LRRC7: variants seen among roughly 807,000 people sequenced by gnomAD.
The protein encoded by LRRC7 is leucine rich repeat containing 7.
Under a neutral mutation model 175.7 loss-of-function variants are expected in LRRC7, and 23 were observed. The observed-to-expected ratio is 0.13, with a 90% CI of 0.09 to 0.19. The LOEUF (loss-of-function observed/expected upper bound fraction) is 0.19, where lower values mean the gene tolerates loss of function less well. Among genes scored for constraint, LRRC7 ranks in the 10% least tolerant of loss-of-function variants. The pLI is 1.00. For synonymous variants in LRRC7, 685 were observed against 680.9 expected, an observed-to-expected ratio of 1.01 and a Z score of -0.09; for missense variants, 1,354 against 1,904.7, an observed-to-expected ratio of 0.71 and a Z score of 5.38.
intron 17 of LRRC7, among the ~76,000 whole-genome samples, chr1:70,027,359 T>G (rs1249469692): frequency 6.6e-6 from 1 of 152,116 alleles, no homozygotes; most frequent in African/African-American, 2.4e-5. Context: ...CCCTCTAAAT[T>G]TAATGCTAAG....
intron 17 of LRRC7, among the ~76,000 whole-genome samples, chr1:70,027,716 A>G (rs1571074679): frequency 1.3e-5 from 2 of 152,030 alleles, no homozygotes; most frequent in South Asian, 2.1e-4. Flanking sequence ...TTAACATGCA[A>G]CTCTACTTGT....
At chr1:69,889,514 G>A (rs142937956) in intron 7 of LRRC7, among the ~76,000 whole-genome samples, 28 of 152,268 alleles carry the variant, frequency 1.8e-4, no homozygotes, top group African/African-American at 6.7e-4. Context: ...TCCATCTCAA[G>A]AAACCACTTT....
At chr1:70,059,939 C>T (rs1457674709) in intron 23 of LRRC7, among the ~76,000 whole-genome samples, 2 of 151,822 alleles carry the variant, frequency 1.3e-5, no homozygotes, top group Non-Finnish European at 2.9e-5. Context: ...TTTAAAAGTA[C>T]AACTTAAGAA....
At chr1:69,695,737 C>T (rs1662499520) in intron 2 of LRRC7, among the ~76,000 whole-genome samples, 1 of 152,222 alleles carries the variant, frequency 6.6e-6, no homozygotes, top group South Asian at 2.1e-4. Context: ...GCCGCTCTGG[C>T]TTCAGCCTTA....
chr1:69,591,832 C>T (rs920392057), intron 1 of LRRC7, among the ~76,000 whole-genome samples: 1 of 152,020 alleles, frequency 6.6e-6, no homozygotes, highest in African/African-American at 2.4e-5. Flanking sequence ...CATCCATCTG[C>T]AGATGCTCTG....
At position 69,934,378 on chromosome 1, in the gene LRRC7, T is replaced by C. The variant is rs61782604; in HGVS notation, c.711+2808T>C. Among the ~76,000 whole-genome samples the C allele has an allele frequency of 1.0e-3, 154 of 151,984 alleles. 1 individual carries two copies. Among genetic ancestry groups the C allele is most frequent in the Non-Finnish European group, 1.3e-3 (91 of 67,978 alleles). On this transcript the variant is annotated intron_variant, in intron 8 of 26. Coordinates refer to ENST00000651989, the MANE Select transcript of LRRC7 (RefSeq NM_001370785.2). ...GATTCAGAGTAGAAATATCTACTTA[T>C]AGAAGCATTTGTAATAATGAAAAAT... is the stretch of plus-strand genomic sequence containing the variant.
chr1:69,999,868 C>T (rs1021708671), intron 11 of LRRC7, among the ~76,000 whole-genome samples: 1 of 152,058 alleles, frequency 6.6e-6, no homozygotes, highest in African/African-American at 2.4e-5. Context: ...AAGTGTGGGA[C>T]CATAGGCCCA....
chr1:70,118,777 G>A (rs593467), intron 26 of LRRC7, among the ~76,000 whole-genome samples: 125,072 of 152,026 alleles, frequency 0.82, 51,822 homozygotes, highest in Middle Eastern at 0.87. Context: ...TTCACACTGG[G>A]CTTTCATGAA....
At chr1:69,660,631 A>G (rs1475436377) in intron 1 of LRRC7, among the ~76,000 whole-genome samples, 1 of 152,128 alleles carries the variant, frequency 6.6e-6, no homozygotes, top group African/African-American at 2.4e-5. Flanking sequence ...TAAGGACTTA[A>G]TGAAGGGATT....
rs571458311 is a variant in LRRC7, at chr1:69,778,526, A to G, written c.304-13517A>G. On this transcript the variant is annotated intron_variant, in intron 3 of 26. Transcript: ENST00000651989. ...TGAAAACACAGTAGAGAGACAACCA[A>G]TCCTGCTTTGCTTGGGGATCAGGGA... Among the ~76,000 whole-genome samples, 3 of 152,282 alleles carry G rather than the reference A, an allele frequency of 2.0e-5. No homozygotes were observed. The South Asian group carries it at 6.2e-4, about 32-fold the overall frequency.
At chr1:69,600,625 G>A (rs561148549) in intron 1 of LRRC7, among the ~76,000 whole-genome samples, 2 of 151,984 alleles carry the variant, frequency 1.3e-5, no homozygotes, top group Admixed American at 1.3e-4. Context: ...CCTTGTTCTA[G>A]CTTTCACTAT....
intron 7 of LRRC7, among the ~76,000 whole-genome samples, chr1:69,881,419 A>G (rs973649980): frequency 5.9e-5 from 9 of 152,264 alleles, no homozygotes; most frequent in Non-Finnish European, 1.5e-5. Flanking sequence ...TCATGCTGCT[A>G]GAACATTGTT....
intron 1 of LRRC7, among the ~76,000 whole-genome samples, chr1:69,571,219 C>T (rs1645726615): frequency 6.6e-6 from 1 of 152,214 alleles, no homozygotes; most frequent in Non-Finnish European, 1.5e-5. Flanking sequence ...TGTGTCTGCA[C>T]ATATGCAGCT....
intron 1 of LRRC7, among the ~76,000 whole-genome samples, chr1:69,624,654 C>T (rs1274675129): frequency 6.6e-6 from 1 of 152,030 alleles, no homozygotes; most frequent in Non-Finnish European, 1.5e-5. Flanking sequence ...TTAATCTACA[C>T]TCATCTAAAT....
At chr1:69,834,470 T>C (rs190638307) in intron 5 of LRRC7, among the ~76,000 whole-genome samples, 2 of 152,266 alleles carry the variant, frequency 1.3e-5, no homozygotes, top group African/African-American at 4.8e-5. Context: ...GAGATTTCCA[T>C]GAAAAATGTC....
chr1:69,908,966 C>T lies in LRRC7; in HGVS notation c.648-22541C>T, dbSNP rs1299656708. Among the ~76,000 whole-genome samples, 8 of 152,050 alleles carry T rather than the reference C, an allele frequency of 5.3e-5. No individual in the cohort carries two copies. In the Middle Eastern group the frequency reaches 0.014, roughly 259 times the overall value. On this transcript the variant is annotated intron_variant, in intron 7 of 26. Coordinates refer to ENST00000651989, the MANE Select transcript of LRRC7 (RefSeq NM_001370785.2). The stretch of plus-strand genomic sequence containing the variant: ...AGTCTGGGTGCTCCTGTATCGGGTG[C>T]ATATATATTTAGGATAGTTAGCTCT...
At chr1:69,711,422 A>T (rs1664737778) in intron 2 of LRRC7, among the ~76,000 whole-genome samples, 1 of 152,210 alleles carries the variant, frequency 6.6e-6, no homozygotes, top group East Asian at 1.9e-4. Context: ...GACTGAGTTA[A>T]AGTTCTTAGC....
chr1:69,857,550 C>G (rs1683817180), intron 7 of LRRC7, among the ~76,000 whole-genome samples: 1 of 151,736 alleles, frequency 6.6e-6, no homozygotes, highest in South Asian at 2.1e-4. Context: ...ATCCAGCTTA[C>G]AAGGGATGTG....
chr1:70,064,376 T>C (rs1285195780), intron 23 of LRRC7, among the ~76,000 whole-genome samples: 1 of 151,826 alleles, frequency 6.6e-6, no homozygotes, highest in Non-Finnish European at 1.5e-5. Flanking sequence ...TGCAAAACAC[T>C]CTCATATCAT....
Sources: allele counts gnomAD v4.1 joint callset (sites outside exome capture counted in the v4.1 genomes callset), GRCh38; gene constraint gnomAD v4.1.1; transcripts MANE v1.5; gene names NCBI Gene and HGNC (gene_info 2026-07-23, HGNC 2026-07-21).